CGNL1: variants seen among roughly 807,000 people sequenced by gnomAD.
The protein encoded by CGNL1 is cingulin-like protein 1.
CGNL1 carries 132 observed loss-of-function variants against 141.2 expected under a neutral mutation model. The ratio of observed to expected loss-of-function variants is 0.93; its 90% CI spans 0.81 to 1.08. The LOEUF is 1.08. Ranked by LOEUF, CGNL1 falls within the 50% of genes least tolerant of loss-of-function variation. The pLI, the probability that CGNL1 is intolerant of heterozygous loss-of-function variation, is 0.00. For synonymous variants in CGNL1, 690 were observed against 622.1 expected (o/e 1.11, Z -1.63); for missense variants, 1,870 against 1,588.6 (o/e 1.18, Z -3.01).
At chr15:57,422,811 A>G (rs1031269456) in intron 1 of CGNL1, among the ~76,000 whole-genome samples, 1 of 152,198 alleles carries the variant, frequency 6.6e-6, no homozygotes, top group Non-Finnish European at 1.5e-5. Flanking sequence ...TACTGGTGTA[A>G]GAAAAGTGGT....
chr15:57,443,990 G>T (rs2063221995), intron 4 of CGNL1, among the ~76,000 whole-genome samples: 2 of 152,052 alleles, frequency 1.3e-5, no homozygotes, highest in Admixed American at 1.3e-4. Flanking sequence ...TACACAAATT[G>T]TATCTGTACA....
Position 57,439,245 on chromosome 15 carries a change from G to A in CGNL1, c.1246G>A (p.Glu416Lys), listed in dbSNP as rs151097746. 9 of 1,613,990 alleles carry A rather than the reference G, an allele frequency of 5.6e-6. No individual in the cohort carries two copies. In the African/African-American group the frequency reaches 9.3e-5, roughly 17 times the overall value. The change falls in exon 2 of 19, where the codon GAA becomes AAA. Residue 416 changes from glutamate to lysine, a missense_variant. Coordinates refer to ENST00000281282, the MANE Select transcript of CGNL1 (RefSeq NM_032866.5). ...EFSRNLGKSS[E>K]HLLRPSQVCP... ...CAGTAGGAACTTGGGCAAGTCAAGC[G>A]AACACCTCCTCCGGCCTTCCCAGGT... is the stretch of plus-strand genomic sequence containing the variant.
At chr15:57,420,139 G>T (rs1007894322) in intron 1 of CGNL1, among the ~76,000 whole-genome samples, 1 of 152,042 alleles carries the variant, frequency 6.6e-6, no homozygotes, top group Admixed American at 6.6e-5. Context: ...GGATACTCCA[G>T]GCTCATCTTG....
chr15:57,432,286 G>A (rs2063054165), intron 1 of CGNL1, among the ~76,000 whole-genome samples: 1 of 152,218 alleles, frequency 6.6e-6, no homozygotes, highest in Admixed American at 6.5e-5. Context: ...AGGTGCCACT[G>A]AGAATTAGAG....
intron 4 of CGNL1, among the ~76,000 whole-genome samples, 195 bp from the exon 5 acceptor site, chr15:57,451,305 A>C (rs1237464112): frequency 6.6e-6 from 1 of 152,226 alleles, no homozygotes; most frequent in African/African-American, 2.4e-5. Context: ...CTGGAGTCCC[A>C]AGGCAGGCAG....
intron 4 of CGNL1, among the ~76,000 whole-genome samples, chr15:57,443,836 G>A (rs983333587): frequency 1.3e-5 from 2 of 152,156 alleles, no homozygotes; most frequent in African/African-American, 2.4e-5. Context: ...CAGGGAGTGC[G>A]GGTTGGAATC....
intron 1 of CGNL1, among the ~76,000 whole-genome samples, chr15:57,425,964 TGGAGTAGA>T (rs1217768044): frequency 1.3e-5 from 2 of 152,002 alleles, no homozygotes; most frequent in Non-Finnish European, 2.9e-5. Flanking sequence ...AATGGAGTAA[TGGAGTAGA>T]TGGCCTTTAC....
chr15:57,410,117 A>G (rs1010409842), intron 1 of CGNL1, among the ~76,000 whole-genome samples: 8 of 152,206 alleles, frequency 5.3e-5, no homozygotes, highest in Admixed American at 5.2e-4. Context: ...GATCATTTGC[A>G]GTGTGAGGGT....
intron 8 of CGNL1, among the ~76,000 whole-genome samples, chr15:57,470,127 T>G (rs548166558): frequency 8.9e-4 from 136 of 152,188 alleles, no homozygotes; most frequent in African/African-American, 3.1e-3. Flanking sequence ...TGCAATCAGG[T>G]GCCCAGGAAA....
chr15:57,440,120 A>AAAT (rs2063166788), intron 2 of CGNL1, among the ~76,000 whole-genome samples: 1 of 151,954 alleles, frequency 6.6e-6, no homozygotes, highest in Non-Finnish European at 1.5e-5. Context: ...AAAAAAAAAA[A>AAAT]AAAAGTAGCT....
intron 8 of CGNL1, among the ~76,000 whole-genome samples, chr15:57,476,883 TG>T (rs1209763445): frequency 1.3e-5 from 2 of 152,210 alleles, no homozygotes; most frequent in Non-Finnish European, 2.9e-5. Context: ...AGTTGGGGAC[TG>T]GGAGAAGCTT....
chr15:57,403,889 C>T (rs2062686476), intron 1 of CGNL1, among the ~76,000 whole-genome samples: 2 of 152,194 alleles, frequency 1.3e-5, no homozygotes, highest in Admixed American at 6.5e-5. Flanking sequence ...GACAGATGCA[C>T]AGCCCCAGAG....
At chr15:57,415,381 G>C (rs1324465177) in intron 1 of CGNL1, among the ~76,000 whole-genome samples, 1 of 152,162 alleles carries the variant, frequency 6.6e-6, no homozygotes, top group Non-Finnish European at 1.5e-5. Context: ...AATCCAAGAA[G>C]GAGATGTGAC....
chr15:57,488,911 TG>T (rs1322549137), intron 8 of CGNL1, among the ~76,000 whole-genome samples: 6 of 152,204 alleles, frequency 3.9e-5, no homozygotes, highest in African/African-American at 1.2e-4. Flanking sequence ...ACCATGTTGC[TG>T]CTTTACCCAA....
intron 1 of CGNL1, among the ~76,000 whole-genome samples, chr15:57,407,631 C>T (rs1284286800): frequency 6.6e-6 from 1 of 152,118 alleles, no homozygotes; most frequent in African/African-American, 2.4e-5. Flanking sequence ...TGTGATTGTG[C>T]CACCACACTA....
chr15:57,384,328 G>C (rs1213671659), intron 1 of CGNL1, among the ~76,000 whole-genome samples: 1 of 152,138 alleles, frequency 6.6e-6, no homozygotes, highest in South Asian at 2.1e-4. Context: ...CATAGCATTT[G>C]CCTCCAGCCC....
Position 57,439,043 on chromosome 15 carries a change from A to G in CGNL1, c.1044A>G (p.Gly348=), listed in dbSNP as rs760573662. 7 of 1,614,216 alleles carry G rather than the reference A, an allele frequency of 4.3e-6. No individual in the cohort carries two copies. The highest frequency in any genetic ancestry group is 5.9e-6 in the Non-Finnish European group (7 of 1,180,030). Residue 348 remains glycine (G), a synonymous_variant, in exon 2 of 19, where the codon GGA becomes GGG. Coordinates refer to ENST00000281282, the MANE Select transcript of CGNL1 (RefSeq NM_032866.5). Reference sequence around the variant, plus strand: ...GAACTGGACGGGATATTGATACAGGATCAATTCCTGGTGTGGATCAGTTAA... The same window carrying G: ...GAACTGGACGGGATATTGATACAGGGTCAATTCCTGGTGTGGATCAGTTAA... The part of the protein sequence containing the change: ...LPGTGRDIDT[G]SIPGVDQLIE...
rs139559193 is a variant in CGNL1 at position 57,507,970 on chromosome 15, G to A, written c.2404-8810G>A. On this transcript the variant is annotated intron_variant, in intron 8 of 18. Transcript: ENST00000281282. Reference sequence around the variant, plus strand: ...ATAGAAGTTAAATGATTTGTCTGTCGTCATCATACATGAATTGTTAGCGGG... The same window carrying A: ...ATAGAAGTTAAATGATTTGTCTGTCATCATCATACATGAATTGTTAGCGGG... Among the ~76,000 whole-genome samples, 94 of 152,284 alleles carry A rather than the reference G, an allele frequency of 6.2e-4. 1 individual carries two copies. Among genetic ancestry groups the A allele is most frequent in the Non-Finnish European group, 1.1e-3 (72 of 68,020 alleles).
chr15:57,447,941 A>G (rs947267534), intron 4 of CGNL1, among the ~76,000 whole-genome samples: 3 of 151,896 alleles, frequency 2.0e-5, no homozygotes, highest in Non-Finnish European at 4.4e-5. Flanking sequence ...TCTTACTTTA[A>G]GACTTTCTCT....
Sources: allele counts gnomAD v4.1 joint callset (sites outside exome capture counted in the v4.1 genomes callset), GRCh38; gene constraint gnomAD v4.1.1; transcripts MANE v1.5; gene names NCBI Gene and HGNC (gene_info 2026-07-23, HGNC 2026-07-21).